MED14: variants seen among roughly 807,000 people sequenced by gnomAD.
The protein encoded by MED14 is mediator complex subunit 14.
A neutral mutation model predicts 109.0 loss-of-function variants in MED14; 8 were observed. The observed-to-expected ratio is 0.07, with a 90% confidence interval of 0.04 to 0.13. MED14 has a LOEUF of 0.13. MED14 is among the 10% of genes least tolerant of loss of function. The pLI, the probability that MED14 is intolerant of heterozygous loss-of-function variation, is 1.00. For missense variants in MED14, 711 were observed against 1,142.4 expected (o/e 0.62, Z 5.44); for synonymous variants, 399 against 408.7 (o/e 0.98, Z 0.29).
intron 30 of MED14, 52 bp from the exon 31 acceptor site, chrX:40,651,931 A>T (rs777110575): frequency 8.9e-7 from 1 of 1,121,368 alleles, no homozygotes; most frequent in East Asian, 3.2e-5. Context: ...GAAAGATGTT[A>T]ACACACCGGT....
chrX:40,727,386 T>C (rs1030576917), intron 2 of MED14, among the ~76,000 whole-genome samples: 1 of 111,850 alleles, frequency 8.9e-6, no homozygotes, highest in African/African-American at 3.3e-5. Context: ...AACTTAACTA[T>C]GTAACTCTTT....
intron 3 of MED14, among the ~76,000 whole-genome samples, chrX:40,723,153 G>A (rs1400047748): frequency 2.7e-5 from 3 of 111,887 alleles, no homozygotes; most frequent in Middle Eastern, 4.6e-3. Flanking sequence ...ACAGGAAATC[G>A]TAACTACAAC....
At chrX:40,692,381 C>T in intron 14 of MED14, 64 bp from the exon 15 acceptor site, 2 of 882,101 alleles carry the variant, frequency 2.3e-6, no homozygotes. Flanking sequence ...TGATGCAATT[C>T]ATTAAGATAG....
At chrX:40,697,228 G>A in intron 12 of MED14, 45 bp from the exon 13 acceptor site, 1 of 885,312 alleles carries the variant, frequency 1.1e-6, no homozygotes, top group Non-Finnish European at 1.6e-6. Context: ...AGACTTTTCT[G>A]ATTATCTGTG....
Position 40,671,921 on chromosome X carries a change from G to C in MED14, c.3073C>G (p.Pro1025Ala), listed in dbSNP as rs1569282467. Reference sequence around the variant, plus strand: ...TTGACTGTGCTATGATAAGATGTAGGGGGTGAAGTAAGAGGATAAGCACCT... The same window carrying C: ...TTGACTGTGCTATGATAAGATGTAGCGGGTGAAGTAAGAGGATAAGCACCT... Reference protein sequence around the residue: ...TSGAYPLTSPPTSYHSTVNQS... With the variant: ...TSGAYPLTSPATSYHSTVNQS... The change falls in exon 23 of 31, where the codon CCT becomes GCT. Residue 1025 changes from proline to alanine, a missense_variant. Physicochemically the swap from Pro to Ala is conservative, Grantham distance 27. Around this residue, in one of 8 missense-constraint regions of MED14, gnomAD observed 100 missense variants for 147.5 expected, o/e 0.68. Transcript: ENST00000324817. The C allele has an allele frequency of 1.7e-6, 2 of 1,207,322 alleles. No individual in the cohort carries two copies. Among genetic ancestry groups the C allele is most frequent in the African/African-American group, 1.7e-5 (1 of 57,673 alleles).
intron 26 of MED14, among the ~76,000 whole-genome samples, chrX:40,662,344 C>T (rs1929314059): frequency 9.0e-6 from 1 of 111,176 alleles, no homozygotes; most frequent in African/African-American, 3.3e-5. Flanking sequence ...AATCCTCCTG[C>T]CTCAACCTCC....
chrX:40,703,017 TC>T (rs1206615609), intron 11 of MED14, among the ~76,000 whole-genome samples: 2 of 111,689 alleles, frequency 1.8e-5, no homozygotes, highest in Non-Finnish European at 3.8e-5. Context: ...GAAAAAAAAA[TC>T]CTTTCCTCCA....
chrX:40,666,125 G>C (rs1191476202), intron 24 of MED14, among the ~76,000 whole-genome samples: 2 of 111,987 alleles, frequency 1.8e-5, no homozygotes. Flanking sequence ...TGTAAAGTAT[G>C]CTGTTGTGTG....
At chrX:40,671,655 T>C (rs1036022979) in intron 23 of MED14, among the ~76,000 whole-genome samples, 6 of 111,821 alleles carry the variant, frequency 5.4e-5, no homozygotes, top group Admixed American at 3.8e-4. Flanking sequence ...GTGACATTAA[T>C]TTAAACCTTT....
intron 12 of MED14, among the ~76,000 whole-genome samples, chrX:40,700,533 G>A (rs184402469): frequency 2.1e-3 from 228 of 109,850 alleles, no homozygotes; most frequent in Non-Finnish European, 3.5e-3. Context: ...CCCCCCCACC[G>A]CCTTCTCCAT....
chrX:40,710,131 T>A lies in MED14; in HGVS notation c.1023-2A>T. On this transcript the variant is annotated splice_acceptor_variant, in intron 8 of 30. Transcript: ENST00000324817. LOFTEE classifies it high-confidence loss of function. ...GTTTTTCTCCCAAGAACCTGTTGAC[T>A]AAAGAAAAAAATGAAATGAAGAATT... 1 of 1,137,895 alleles carries A rather than the reference T, an allele frequency of 8.8e-7. No homozygotes were observed. The highest frequency in any genetic ancestry group is 1.2e-6 in the Non-Finnish European group (1 of 859,261). The allele number at this position is 1,137,895 out of a possible 1,213,427, so 93.8% of individuals were successfully genotyped here. A position where few individuals can be genotyped will look rare whatever the true frequency, so the allele number is the denominator to read the frequency against.
upstream of MED14, among the ~76,000 whole-genome samples, chrX:40,736,128 C>G (rs963100157): frequency 9.0e-6 from 1 of 111,501 alleles, no homozygotes. Flanking sequence ...GAAATGGGAG[C>G]GGCCGCGCGC....
At chrX:40,735,692 A>G (rs1388838457), upstream of MED14, 5 of 467,733 alleles carry the variant, frequency 1.1e-5, no homozygotes, top group Non-Finnish European at 1.9e-5. Context: ...AAACGCTCAG[A>G]AGCAGCTTCG....
intron 10 of MED14, among the ~76,000 whole-genome samples, chrX:40,708,664 C>T (rs1931233496): frequency 8.9e-6 from 1 of 112,008 alleles, no homozygotes; most frequent in Admixed American, 9.5e-5. Context: ...ATGTTGCGAA[C>T]CTATATTCCC....
chrX:40,706,787 GTTT>G, intron 10 of MED14, among the ~76,000 whole-genome samples: 2 of 110,933 alleles, frequency 1.8e-5, no homozygotes, highest in Non-Finnish European at 3.8e-5. Context: ...TTTTGTTTCT[GTTT>G]TTTAACTTAC....
intron 22 of MED14, among the ~76,000 whole-genome samples, chrX:40,674,929 A>C (rs1255029197): frequency 8.9e-6 from 1 of 112,641 alleles, no homozygotes; most frequent in Non-Finnish European, 1.9e-5. Flanking sequence ...AGACAAGGTA[A>C]GGAAACTCTC....
intron 30 of MED14, chrX:40,654,039 G>A: frequency 4.9e-6 from 1 of 205,907 alleles, no homozygotes; most frequent in Non-Finnish European, 8.9e-6. Context: ...ATTCACAGCC[G>A]TGGAAAATTC....
chrX:40,732,020 C>T (rs1165975208), intron 1 of MED14, among the ~76,000 whole-genome samples: 3 of 112,242 alleles, frequency 2.7e-5, no homozygotes, highest in Middle Eastern at 4.2e-3. Context: ...GCAATAAGTG[C>T]TGTAAAGAAA....
At chrX:40,715,530 T>C (rs1198638240) in intron 3 of MED14, among the ~76,000 whole-genome samples, 2 of 110,688 alleles carry the variant, frequency 1.8e-5, no homozygotes, top group Non-Finnish European at 3.8e-5. Flanking sequence ...CTCAGGTCTG[T>C]AATCCCAGCA....
Sources: allele counts gnomAD v4.1 joint callset (sites outside exome capture counted in the v4.1 genomes callset), GRCh38; gene constraint gnomAD v4.1.1; regional missense constraint gnomAD v4.1.1; transcripts MANE v1.5; gene names NCBI Gene and HGNC (gene_info 2026-07-23, HGNC 2026-07-21).